CDH12: variants seen among roughly 807,000 people sequenced by gnomAD.
CDH12 encodes the protein cadherin 12, also known as cadherin-12.
CDH12 carries 41 observed loss-of-function variants against 74.1 expected under a neutral mutation model. That is an observed-to-expected ratio of 0.55 (90% CI 0.43 to 0.72). The LOEUF (loss-of-function observed/expected upper bound fraction) is 0.72. CDH12 is among the 30% of genes least tolerant of loss of function. The pLI is 0.00. For synonymous variants in CDH12, 399 were observed against 355.0 expected (o/e 1.12, Z -1.39); for missense variants, 945 against 977.2 (o/e 0.97, Z 0.44).
intron 4 of CDH12, among the ~76,000 whole-genome samples, chr5:22,154,663 A>G (rs2150314028): frequency 6.8e-6 from 1 of 145,994 alleles, no homozygotes; most frequent in East Asian, 1.9e-4. Flanking sequence ...CATATATAAT[A>G]ATAATAATAT....
At chr5:21,782,084 A>G (rs893746409) in intron 11 of CDH12, among the ~76,000 whole-genome samples, 1 of 152,210 alleles carries the variant, frequency 6.6e-6, no homozygotes, top group Non-Finnish European at 1.5e-5. Flanking sequence ...CCACTAGTAC[A>G]GTGGACTGGA....
chr5:21,823,429 A>G (rs958941875), intron 8 of CDH12, among the ~76,000 whole-genome samples: 15 of 152,106 alleles, frequency 9.9e-5, no homozygotes, highest in African/African-American at 3.6e-4. Context: ...ATATTAACCT[A>G]TAGCCTATAT....
chr5:22,463,562 T>C (rs1272429725), intron 2 of CDH12, among the ~76,000 whole-genome samples: 1 of 152,050 alleles, frequency 6.6e-6, no homozygotes, highest in Non-Finnish European at 1.5e-5. Context: ...AATTAACAAA[T>C]AAAAGAGTAA....
intron 10 of CDH12, among the ~76,000 whole-genome samples, chr5:21,798,894 G>A (rs967034721): frequency 1.3e-5 from 2 of 152,140 alleles, no homozygotes; most frequent in Admixed American, 1.3e-4. Flanking sequence ...AACGGTGGGG[G>A]TGCAGCTATA....
chr5:22,302,518 T>C (rs910987309), intron 3 of CDH12, among the ~76,000 whole-genome samples: 1 of 152,144 alleles, frequency 6.6e-6, no homozygotes, highest in African/African-American at 2.4e-5. Flanking sequence ...TTGCAGGAAA[T>C]CCAGATGAAG....
intron 1 of CDH12, among the ~76,000 whole-genome samples, chr5:22,736,474 A>T (rs1436549955): frequency 6.6e-6 from 1 of 151,866 alleles, no homozygotes; most frequent in Admixed American, 6.6e-5. Context: ...TTTAACAAAA[A>T]TATATGCTGT....
chr5:22,690,299 T>C (rs1429393756), intron 1 of CDH12, among the ~76,000 whole-genome samples: 1 of 152,128 alleles, frequency 6.6e-6, no homozygotes, highest in Non-Finnish European at 1.5e-5. Flanking sequence ...AAACAGGGTA[T>C]GGGAATTTTA....
intron 14 of CDH12, among the ~76,000 whole-genome samples, chr5:21,753,415 A>G (rs2149860100): frequency 6.6e-6 from 1 of 152,276 alleles, no homozygotes; most frequent in East Asian, 1.9e-4. Context: ...TTGTTCCTCT[A>G]CCAAGTATGT....
intron 4 of CDH12, among the ~76,000 whole-genome samples, chr5:22,085,084 C>T (rs1742976756): frequency 6.6e-6 from 1 of 152,100 alleles, no homozygotes; most frequent in African/African-American, 2.4e-5. Context: ...TCTATGCTTC[C>T]TCATCTTTTG....
At chr5:22,154,619 C>CAT (rs981748370) in intron 4 of CDH12, among the ~76,000 whole-genome samples, 2 of 149,334 alleles carry the variant, frequency 1.3e-5, no homozygotes, top group Admixed American at 6.7e-5. Context: ...TATATGTACA[C>CAT]ATATATATAC....
chr5:22,632,248 T>G (rs1392996710), intron 1 of CDH12, among the ~76,000 whole-genome samples: 1 of 152,128 alleles, frequency 6.6e-6, no homozygotes, highest in Non-Finnish European at 1.5e-5. Flanking sequence ...AGAATCATGC[T>G]TCCTATACAG....
intron 3 of CDH12, among the ~76,000 whole-genome samples, chr5:22,363,024 A>G (rs191838558): frequency 5.9e-5 from 9 of 152,076 alleles, no homozygotes; most frequent in East Asian, 3.9e-4. Context: ...TGGCACATGT[A>G]TATGTATGTA....
chr5:21,876,150 TC>T (rs1344400255), intron 6 of CDH12, among the ~76,000 whole-genome samples: 1 of 152,132 alleles, frequency 6.6e-6, no homozygotes, highest in East Asian at 1.9e-4. Flanking sequence ...TTCCTCAGCC[TC>T]CCAAAGTGCT....
intron 4 of CDH12, among the ~76,000 whole-genome samples, chr5:22,171,870 T>C (rs1211282070): frequency 4.0e-5 from 6 of 151,834 alleles, no homozygotes; most frequent in Non-Finnish European, 8.8e-5. Flanking sequence ...TAAAGACAAA[T>C]TGTGCAAGGT....
intron 1 of CDH12, among the ~76,000 whole-genome samples, chr5:22,513,732 G>T (rs1410504939): frequency 6.6e-6 from 1 of 151,968 alleles, no homozygotes; most frequent in African/African-American, 2.4e-5. Flanking sequence ...TGAATCATGA[G>T]GTCAGGAGTT....
chr5:22,307,874 T>TTA (rs2150425073), intron 3 of CDH12, among the ~76,000 whole-genome samples: 1 of 7,624 alleles, frequency 1.3e-4, no homozygotes, highest in East Asian at 8.2e-3. Flanking sequence ...TTTCTTTTAG[T>TTA]TTTTTTTTTT....
chr5:21,934,841 C>G (rs1473678939), intron 6 of CDH12, among the ~76,000 whole-genome samples: 2 of 152,104 alleles, frequency 1.3e-5, no homozygotes, highest in Non-Finnish European at 2.9e-5. Flanking sequence ...GGCTGGAGTG[C>G]AGTGGCGCGA....
chr5:22,112,469 A>C (rs1275204084), intron 4 of CDH12, among the ~76,000 whole-genome samples: 1 of 152,170 alleles, frequency 6.6e-6, no homozygotes, highest in African/African-American at 2.4e-5. Flanking sequence ...AGATGAGTAC[A>C]TGAGCTACTA....
chr5:22,399,151 C>T lies in CDH12; in HGVS notation c.-333+6106G>A, dbSNP rs541335645. 3.1e-3 allele frequency among the ~76,000 whole-genome samples: 472 copies of T among 151,986 alleles called. 1 individual carries two copies. The highest frequency in any genetic ancestry group is 4.8e-3 in the Non-Finnish European group (326 of 67,954). Reference sequence around the variant, plus strand: ...TATTTATCCAATCTGTATGTATATACATATCTATATCTATTTATCTTACTA... The same window carrying T: ...TATTTATCCAATCTGTATGTATATATATATCTATATCTATTTATCTTACTA... On this transcript the variant is annotated intron_variant, in intron 3 of 14. Transcript: ENST00000382254.
Sources: allele counts gnomAD v4.1 joint callset (sites outside exome capture counted in the v4.1 genomes callset), GRCh38; gene constraint gnomAD v4.1.1; transcripts MANE v1.5; gene names NCBI Gene and HGNC (gene_info 2026-07-23, HGNC 2026-07-21).